NCOR2: variants seen among roughly 807,000 people sequenced by gnomAD.
The protein encoded by NCOR2 is nuclear receptor corepressor 2, also known as CTG repeat protein 26.
In NCOR2, 81 loss-of-function variants were observed where a neutral mutation model predicts 262.9. The ratio of observed to expected loss-of-function variants is 0.31; its 90% CI spans 0.26 to 0.37. The LOEUF (loss-of-function observed/expected upper bound fraction) is 0.37. Among genes scored for constraint, NCOR2 ranks in the 10% least tolerant of loss-of-function variants. The pLI is 1.00. For synonymous variants in NCOR2, 1,659 were observed against 1,559.3 expected, an observed-to-expected ratio of 1.06 and a Z score of -1.51; for missense variants, 3,385 against 3,621.4, an observed-to-expected ratio of 0.93 and a Z score of 1.68.
At chr12:124,437,950 T>A in exon 8 of NCOR2, 3 of 1,612,418 alleles carry the variant, frequency 1.9e-6, no homozygotes, top group Non-Finnish European at 2.5e-6. Flanking sequence ...CGAGCGTGAT[T>A]CCTCCTCTTG....
exon 14 of NCOR2, chr12:124,402,447 CCTCCTTCTCCGCCTCCTTTTCCTT>C: frequency 1.2e-6 from 2 of 1,613,724 alleles, no homozygotes; most frequent in Non-Finnish European, 1.7e-6. Flanking sequence ...GGCTTCTCCT[CCTCCTTCTCCGCCTCCTTTTCCTT>C]CTCCTTCTCA....
chr12:124,360,213 A>G (rs1222236921), intron 22 of NCOR2, among the ~76,000 whole-genome samples: 1 of 152,174 alleles, frequency 6.6e-6, no homozygotes, highest in Non-Finnish European at 1.5e-5. Flanking sequence ...CCAAACCTGC[A>G]ACGTCTCCCA....
chr12:124,388,872 G>A lies in NCOR2; in HGVS notation c.1877-2985C>T, dbSNP rs1593328553. 5.6e-6 allele frequency: 5 copies of A among 889,400 alleles called. No homozygotes were observed. The African/African-American group carries it at 6.6e-5, about 12-fold the overall frequency. The allele number at this position is 889,400 out of a possible 1,614,324, so 55.1% of individuals were successfully genotyped here. ...TCCTTCTCCGTCCCACGGTGAGGGA[G>A]GGAGGGAGGGAGGGAGGGAGGGAGC... is the stretch of plus-strand genomic sequence containing the variant. On this transcript the variant is annotated intron_variant, in intron 16 of 46. Coordinates refer to ENST00000405201, the Ensembl canonical transcript of NCOR2.
rs1317641001 is a variant in NCOR2 at position 124,402,555 on chromosome 12, G to A, written c.1489C>T (p.Gln497Ter). Residue 497 changes from glutamine (Q) to a stop codon, truncating the protein, a stop_gained, in exon 14 of 47, where the codon CAA becomes TAA. Coordinates refer to ENST00000405201, the Ensembl canonical transcript of NCOR2. LOFTEE classifies it high-confidence loss of function. ...TGCTGCTGCTGCTGCTGCTGTTGTT[G>A]CTGCTGCTGTCAGACCCCGGGGGAG... 6.4e-7 allele frequency: 1 copy of A among 1,566,296 alleles called. No individual in the cohort carries two copies. The highest frequency in any genetic ancestry group is 8.7e-7 in the Non-Finnish European group (1 of 1,155,802).
rs766735306 is a variant in NCOR2, at chr12:124,400,489, C to T, written c.1813+12G>A. The T allele has an allele frequency of 1.9e-6, 3 of 1,608,252 alleles. No homozygotes were observed. The highest frequency in any genetic ancestry group is 2.2e-5 in the East Asian group (1 of 44,696). On this transcript the variant is annotated intron_variant, in intron 15 of 46. Transcript: ENST00000405201. ...GCCCCTTCCCCACCCGCATCCCTGGCCCCCAGCTCACCCAGCTCGGCGCTC... is the reference window on the plus strand; with the variant it reads ...GCCCCTTCCCCACCCGCATCCCTGGTCCCCAGCTCACCCAGCTCGGCGCTC...
intron 13 of NCOR2, among the ~76,000 whole-genome samples, chr12:124,405,042 A>AC (rs2042204483): frequency 6.6e-6 from 1 of 151,732 alleles, no homozygotes; most frequent in Non-Finnish European, 1.5e-5. Context: ...GTCTCAGCCA[A>AC]CCCCCAGCCA....
intron 1 of NCOR2, among the ~76,000 whole-genome samples, chr12:124,493,942 G>A (rs1385593349): frequency 2.0e-5 from 3 of 152,188 alleles, no homozygotes; most frequent in Non-Finnish European, 4.4e-5. Flanking sequence ...TGGGATGAGA[G>A]CGTGAGCTGC....
chr12:124,446,825 C>T (rs1291800022), intron 7 of NCOR2, among the ~76,000 whole-genome samples: 1 of 152,168 alleles, frequency 6.6e-6, no homozygotes, highest in Non-Finnish European at 1.5e-5. Context: ...TCAGTTCCAA[C>T]AATTTACACA....
At chr12:124,410,452 C>T (rs1218154012) in intron 13 of NCOR2, among the ~76,000 whole-genome samples, 2 of 151,976 alleles carry the variant, frequency 1.3e-5, no homozygotes, top group Admixed American at 1.3e-4. Flanking sequence ...GGCAGGAAAC[C>T]AGAGACATCT....
intron 4 of NCOR2, among the ~76,000 whole-genome samples, chr12:124,467,706 CCCT>C (rs1447792124): frequency 5.2e-4 from 68 of 131,038 alleles, no homozygotes; most frequent in African/African-American, 1.9e-3. Context: ...ATCCTTATCA[CCCT>C]CATCATCCTC....
chr12:124,489,812 G>A (rs1411660067), intron 1 of NCOR2, among the ~76,000 whole-genome samples: 1 of 152,178 alleles, frequency 6.6e-6, no homozygotes, highest in East Asian at 1.9e-4. Flanking sequence ...GTGGCTGGGG[G>A]CAGAGAGGAG....
chr12:124,388,864 GTGA>G, intron 16 of NCOR2: 1 of 370,020 alleles, frequency 2.7e-6, no homozygotes, highest in Non-Finnish European at 3.9e-6. Context: ...CCGTCCCACG[GTGA>G]GGGAGGGAGG....
At chr12:124,332,994 C>T in intron 42 of NCOR2, 136 bp downstream of exon 44, 1 of 1,229,182 alleles carries the variant, frequency 8.1e-7, no homozygotes, top group Non-Finnish European at 1.1e-6. Flanking sequence ...GTGAAACCTG[C>T]TTGGCAGGCT....
chr12:124,391,242 G>A (rs968534551), intron 16 of NCOR2, among the ~76,000 whole-genome samples: 1 of 152,124 alleles, frequency 6.6e-6, no homozygotes. Flanking sequence ...TTCTCTGGAA[G>A]TCAGCCCCCA....
At chr12:124,334,678 G>T in intron 40 of NCOR2, 61 bp from the exon 43 acceptor site, 1 of 891,202 alleles carries the variant, frequency 1.1e-6, no homozygotes. Flanking sequence ...CCTTCTGGGG[G>T]TGGGGAGGGG....
exon 17 of NCOR2, chr12:124,385,793 C>G (rs2040762774): frequency 6.2e-7 from 1 of 1,613,952 alleles, no homozygotes; most frequent in African/African-American, 1.3e-5. Flanking sequence ...TCTGCCTCTT[C>G]TTGTAGTTGA....
At chr12:124,325,376 C>CGGGGGGGGGGGGGGGGGGGGGG in exon 47 of NCOR2, 1 of 426,508 alleles carries the variant, frequency 2.3e-6, no homozygotes, top group Non-Finnish European at 3.4e-6. Flanking sequence ...GACCTGACAC[C>CGGGGGGGGGGGGGGGGGGGGGG]GCCCCCCCCC....
At chr12:124,486,255 G>T in intron 2 of NCOR2, 186 bp downstream of exon 4, 7 of 839,730 alleles carry the variant, frequency 8.3e-6, no homozygotes, top group Non-Finnish European at 1.2e-5. Context: ...GGGCCACGTG[G>T]CTCTTCCCTG....
Position 124,457,580 on chromosome 12 carries a change from A to G in NCOR2, c.706-418T>C, listed in dbSNP as rs2045947164. ...CAATTACCTCAGAGCTAGTGCAGCC[A>G]GCGAGGGAAGGAGGAGGAGGAGGAG... is the stretch of plus-strand genomic sequence containing the variant. On this transcript the variant is annotated intron_variant, in intron 5 of 46. Coordinates refer to ENST00000405201, the Ensembl canonical transcript of NCOR2. This position sits in a 1 kb window ranked among gnomAD's most constrained non-coding sequence, Gnocchi z 4.0. Among the ~76,000 whole-genome samples, 1 of 152,174 alleles carries G rather than the reference A, an allele frequency of 6.6e-6. No homozygotes were observed. The highest frequency in any genetic ancestry group is 2.4e-5 in the African/African-American group (1 of 41,450).
Sources: gnomAD v4.1 joint callset for allele counts (sites outside exome capture counted in the v4.1 genomes callset) on GRCh38, gnomAD v4.1.1 for gene constraint, Gnocchi (gnomAD v3.1) non-coding constraint, MANE v1.5 for transcripts, NCBI Gene and HGNC (gene_info 2026-07-23, HGNC 2026-07-21) for gene names.